The following ZFR2 variants were observed in gnomAD, a reference collection of about 807,000 sequenced individuals.
ZFR2 encodes the protein zinc finger RNA binding protein 2.
Under a neutral mutation model 105.7 loss-of-function variants are expected in ZFR2, and 104 were observed. The observed-to-expected ratio is 0.98, with a 90% CI of 0.84 to 1.16. ZFR2 has a LOEUF of 1.16. ZFR2 is among the 50% of genes most tolerant of loss of function. The probability of loss-of-function intolerance (pLI) is 0.00; values close to 1 mark genes in which losing one functional copy is unlikely to be tolerated. For missense variants in ZFR2, 1,425 were observed against 1,355.5 expected (o/e 1.05, Z -0.80); for synonymous variants, 634 against 597.7 (o/e 1.06, Z -0.89).
At chr19:3,841,528 TA>T (rs1052799726) in intron 1 of ZFR2, among the ~76,000 whole-genome samples, 258 of 150,414 alleles carry the variant, frequency 1.7e-3, no homozygotes, top group Non-Finnish European at 3.3e-3. Flanking sequence ...CTACAAAAAA[TA>T]AAAAAAAATT....
At position 3,819,315 on chromosome 19, in the gene ZFR2, A is replaced by G. The variant is rs2037863839; in HGVS notation, c.1741-80T>C. Reference sequence around the variant, plus strand: ...GCTGGGCAGGCGGGCAGGTGGGGGCAGGTGGCCGTGGCCAGCCAGGTTACG... The same window carrying G: ...GCTGGGCAGGCGGGCAGGTGGGGGCGGGTGGCCGTGGCCAGCCAGGTTACG... On this transcript the variant is annotated intron_variant, in intron 11 of 18. Coordinates refer to ENST00000262961, the MANE Select transcript of ZFR2 (RefSeq NM_015174.2). 13 of 964,522 alleles carry G rather than the reference A, an allele frequency of 1.3e-5. No individual in the cohort carries two copies. In the South Asian group the frequency reaches 2.1e-4, roughly 16 times the overall value. The allele number at this position is 964,522 out of a possible 1,614,324, so 59.7% of individuals were successfully genotyped here.
intron 5 of ZFR2, among the ~76,000 whole-genome samples, chr19:3,830,133 C>G (rs1270786348): frequency 7.4e-6 from 1 of 135,286 alleles, no homozygotes. Context: ...GACCCTGTAT[C>G]TACAAAAAAA....
intron 1 of ZFR2, among the ~76,000 whole-genome samples, chr19:3,868,199 C>G (rs2038455731): frequency 1.3e-5 from 2 of 149,420 alleles, no homozygotes; most frequent in African/African-American, 5.0e-5. Flanking sequence ...TGTCTTCTCT[C>G]TTACCCCCAT....
chr19:3,840,212 C>T lies in ZFR2; in HGVS notation c.54-5229G>A, dbSNP rs191943185. 2.0e-5 allele frequency among the ~76,000 whole-genome samples: 3 copies of T among 151,906 alleles called. No homozygotes were observed. In the East Asian group the frequency reaches 5.8e-4, roughly 30 times the overall value. On this transcript the variant is annotated intron_variant, in intron 1 of 18. Transcript: ENST00000262961. ...GCCCAGTACAGAAGCAGCAGCCACA[C>T]GTGGCTGAGCTCTTTTTTGTTTGCT...
intron 1 of ZFR2, among the ~76,000 whole-genome samples, chr19:3,850,861 C>T (rs1302891331): frequency 7.1e-6 from 1 of 141,596 alleles, no homozygotes; most frequent in Non-Finnish European, 1.5e-5. Context: ...GCTGTGATCT[C>T]ACCACTGCAC....
chr19:3,812,163 C>T (rs192696586), intron 14 of ZFR2, among the ~76,000 whole-genome samples: 62 of 152,062 alleles, frequency 4.1e-4, no homozygotes, highest in African/African-American at 1.4e-3. Flanking sequence ...AGGCTGATCT[C>T]GAACCCCTCA....
chr19:3,849,461 G>A (rs967604366), intron 1 of ZFR2, among the ~76,000 whole-genome samples: 1 of 152,002 alleles, frequency 6.6e-6, no homozygotes, highest in Non-Finnish European at 1.5e-5. Context: ...TCTCTGGGGT[G>A]GGGCCGTTCT....
chr19:3,819,176 G>A lies in ZFR2; in HGVS notation c.1800C>T (p.Ile600=). ...CCAGGAGCTCCTGCTCCGTGGGGTAGATGGTGGCGTGCTTGCACATGACGT... is the reference window on the plus strand; with the variant it reads ...CCAGGAGCTCCTGCTCCGTGGGGTAAATGGTGGCGTGCTTGCACATGACGT... ...DRHVMCKHAT[I]YPTEQELLAV... is the part of the protein sequence containing the mutation. Residue 600 remains isoleucine, a synonymous_variant, in exon 12 of 19, where the codon ATC becomes ATT. Coordinates refer to ENST00000262961, the MANE Select transcript of ZFR2 (RefSeq NM_015174.2). 1 of 1,596,084 alleles carries A rather than the reference G, an allele frequency of 6.3e-7. No homozygotes were observed. The highest frequency in any genetic ancestry group is 8.5e-7 in the Non-Finnish European group (1 of 1,175,642).
At chr19:3,811,610 A>G (rs1049253476) in intron 14 of ZFR2, among the ~76,000 whole-genome samples, 15 of 151,628 alleles carry the variant, frequency 9.9e-5, no homozygotes, top group African/African-American at 3.4e-4. Context: ...GCCCGCCACC[A>G]CATCTGGCTA....
At chr19:3,855,881 CAG>C (rs2038292971) in intron 1 of ZFR2, among the ~76,000 whole-genome samples, 1 of 152,090 alleles carries the variant, frequency 6.6e-6, no homozygotes, top group Non-Finnish European at 1.5e-5. Flanking sequence ...GGGTGTGGAA[CAG>C]GGGGCAGAGG....
chr19:3,815,664 G>A (rs957037049), intron 13 of ZFR2, among the ~76,000 whole-genome samples: 2 of 151,844 alleles, frequency 1.3e-5, no homozygotes, highest in African/African-American at 4.8e-5. Flanking sequence ...GCTCACTGAA[G>A]CCTCGAACTC....
chr19:3,839,320 G>A (rs1161085989), intron 1 of ZFR2, among the ~76,000 whole-genome samples: 1 of 151,946 alleles, frequency 6.6e-6, no homozygotes, highest in Non-Finnish European at 1.5e-5. Flanking sequence ...ATTACCCGAG[G>A]TCAGGAGTTC....
rs756913067 is a variant in ZFR2, at chr19:3,823,054, C to T, written c.1371+192G>A. Among the ~76,000 whole-genome samples, 1 of 152,228 alleles carries T rather than the reference C, an allele frequency of 6.6e-6. No individual in the cohort carries two copies. Among genetic ancestry groups the T allele is most frequent in the Non-Finnish European group, 1.5e-5 (1 of 68,034 alleles). ...GGGCCATATTCATTTCCTGCTGATA[C>T]CAAAATCCGGCACCCAAAGTGTCAA... On this transcript the variant is annotated intron_variant, in intron 8 of 18. Transcript: ENST00000262961. The surrounding 1 kb of genome is among the most constrained non-coding windows in gnomAD (Gnocchi z 5.4).
At chr19:3,825,096 G>A (rs993061009) in intron 7 of ZFR2, 134 bp downstream of exon 7, 28 of 1,075,356 alleles carry the variant, frequency 2.6e-5, no homozygotes, top group Admixed American at 3.7e-5. Context: ...AGGGAGAGAC[G>A]GCACCAGCCA....
chr19:3,810,750 C>G lies in ZFR2; in HGVS notation c.2433G>C (p.Trp811Cys). Reference sequence around the variant, plus strand: ...GCCGGGCCGCCAGGCACTGCCTTACCCAGGCTGGCAGGGCCCCCCAGGTGG... The same window carrying G: ...GCCGGGCCGCCAGGCACTGCCTTACGCAGGCTGGCAGGGCCCCCCAGGTGG... ...RVPTWGALPAWAMELLVEKAV... is the reference protein window; with the variant it reads ...RVPTWGALPACAMELLVEKAV... Residue 811 changes from tryptophan (W) to cysteine (C), a missense_variant and splice_region_variant, in exon 16 of 19, where the codon TGG becomes TGC. Transcript: ENST00000262961. 1 of 1,549,130 alleles carries G rather than the reference C, an allele frequency of 6.5e-7. No homozygotes were observed. Among genetic ancestry groups the G allele is most frequent in the Non-Finnish European group, 8.7e-7 (1 of 1,146,300 alleles).
intron 1 of ZFR2, among the ~76,000 whole-genome samples, chr19:3,859,575 A>C (rs1286228976): frequency 6.6e-6 from 1 of 152,140 alleles, no homozygotes; most frequent in Admixed American, 6.5e-5. Context: ...CCGCGTTCTG[A>C]CCTTGGCGCG....
intron 15 of ZFR2, 105 bp downstream of exon 15, chr19:3,811,166 TG>T (rs2037759682): frequency 8.8e-7 from 1 of 1,139,488 alleles, no homozygotes; most frequent in Non-Finnish European, 1.2e-6. Context: ...CGGTCTGCGC[TG>T]GGAGCCCACG....
chr19:3,809,837 G>T (rs915207596), intron 16 of ZFR2, among the ~76,000 whole-genome samples: 132 of 152,190 alleles, frequency 8.7e-4, no homozygotes, highest in African/African-American at 3.1e-3. Context: ...CCAGCTACTC[G>T]GGAGGCTGAG....
In ZFR2 at chr19:3,813,650, C is replaced by A. The variant is rs986901762; in HGVS notation, c.2242+170G>T. On this transcript the variant is annotated intron_variant, in intron 14 of 18. Coordinates refer to ENST00000262961, the MANE Select transcript of ZFR2 (RefSeq NM_015174.2). The surrounding 1 kb of genome is among the most constrained non-coding windows in gnomAD (Gnocchi z 4.4). Reference sequence around the variant, plus strand: ...TCGCCGCCTCTGCTGCCCGGAGACCCAGCTCTTGTGTGACCCATGGAATCC... The same window carrying A: ...TCGCCGCCTCTGCTGCCCGGAGACCAAGCTCTTGTGTGACCCATGGAATCC... 2.6e-5 allele frequency among the ~76,000 whole-genome samples: 4 copies of A among 152,204 alleles called. No individual in the cohort carries two copies. The highest frequency in any genetic ancestry group is 9.6e-5 in the African/African-American group (4 of 41,452).
Sources: gnomAD v4.1 joint callset for allele counts (sites outside exome capture counted in the v4.1 genomes callset) on GRCh38, gnomAD v4.1.1 for gene constraint, Gnocchi (gnomAD v3.1) non-coding constraint, MANE v1.5 for transcripts, NCBI Gene and HGNC (gene_info 2026-07-23, HGNC 2026-07-21) for gene names.